Variants in ST3GAL1 observed in about 807,000 individuals in gnomAD.
The protein encoded by ST3GAL1 is ST3 beta-galactoside alpha-2,3-sialyltransferase 1.
ST3GAL1 carries 16 observed loss-of-function variants against 34.1 expected under a neutral mutation model. That is an observed-to-expected ratio of 0.47 (90% confidence interval 0.32 to 0.71). The LOEUF (loss-of-function observed/expected upper bound fraction) is 0.71, where lower values mean the gene tolerates loss of function less well. Ranked by LOEUF, ST3GAL1 falls within the 30% of genes least tolerant of loss-of-function variation. The pLI is 0.04. For synonymous variants in ST3GAL1, 191 were observed against 184.7 expected, an observed-to-expected ratio of 1.03 and a Z score of -0.28; for missense variants, 353 against 447.4, an observed-to-expected ratio of 0.79 and a Z score of 1.90.
At chr8:133,555,919 A>G (rs983653491) in intron 1 of ST3GAL1, among the ~76,000 whole-genome samples, 7 of 151,972 alleles carry the variant, frequency 4.6e-5, no homozygotes, top group Non-Finnish European at 8.8e-5. Flanking sequence ...TTTGAGACAG[A>G]ATTTCACTTT....
intron 1 of ST3GAL1, among the ~76,000 whole-genome samples, chr8:133,553,536 C>T (rs1304548080): frequency 6.6e-6 from 1 of 152,244 alleles, no homozygotes; most frequent in African/African-American, 2.4e-5. Context: ...CAAGTTATCT[C>T]ATCACTCAGT....
intron 3 of ST3GAL1, among the ~76,000 whole-genome samples, chr8:133,481,825 T>G (rs971226443): frequency 6.6e-6 from 1 of 151,998 alleles, no homozygotes; most frequent in East Asian, 1.9e-4. Flanking sequence ...TGTTTTCTGC[T>G]TGGTTTCTTA....
chr8:133,527,517 A>G (rs1209831985), intron 2 of ST3GAL1, among the ~76,000 whole-genome samples: 1 of 152,180 alleles, frequency 6.6e-6, no homozygotes, highest in African/African-American at 2.4e-5. Flanking sequence ...ACTTTGCCCT[A>G]AGCTACAGTG....
At chr8:133,549,082 T>C (rs1188689415) in intron 1 of ST3GAL1, among the ~76,000 whole-genome samples, 2 of 152,250 alleles carry the variant, frequency 1.3e-5, no homozygotes, top group African/African-American at 4.8e-5. Context: ...TCAGGATATA[T>C]ACTGCAACTG....
intron 3 of ST3GAL1, among the ~76,000 whole-genome samples, chr8:133,480,473 A>G (rs933107335): frequency 6.6e-6 from 1 of 152,158 alleles, no homozygotes; most frequent in Non-Finnish European, 1.5e-5. Flanking sequence ...ATGCCCTCCC[A>G]GCCCTTCACA....
At chr8:133,493,190 G>T (rs962995886) in intron 3 of ST3GAL1, among the ~76,000 whole-genome samples, 2 of 152,186 alleles carry the variant, frequency 1.3e-5, no homozygotes, top group African/African-American at 4.8e-5. Flanking sequence ...CTCCCACATA[G>T]GGAACACAGC....
chr8:133,498,144 G>A (rs549279420), intron 3 of ST3GAL1, among the ~76,000 whole-genome samples: 7 of 152,280 alleles, frequency 4.6e-5, no homozygotes, highest in South Asian at 2.1e-4. Context: ...AGGAACTGGC[G>A]CTCGACAGTG....
intron 5 of ST3GAL1, 111 bp downstream of exon 5, chr8:133,475,608 T>C: frequency 7.6e-7 from 1 of 1,310,718 alleles, no homozygotes; most frequent in South Asian, 1.6e-5. Context: ...AGACTCCCAC[T>C]TTCAGCCCAG....
At chr8:133,538,496 C>G (rs1024013797) in intron 2 of ST3GAL1, among the ~76,000 whole-genome samples, 3 of 152,162 alleles carry the variant, frequency 2.0e-5, no homozygotes, top group African/African-American at 7.2e-5. Flanking sequence ...GCCTGGGCGA[C>G]AGAGCGAGAC....
chr8:133,466,812 G>A lies in ST3GAL1; in HGVS notation c.307-722C>T, dbSNP rs1586587158. On this transcript the variant is annotated intron_variant, in intron 5 of 9. Transcript: ENST00000522652. The surrounding 1 kb of genome is among the most constrained non-coding windows in gnomAD (Gnocchi z 4.4). ...AATTGTTTTCATCTTTTAAGACCTA[G>A]CCTGGGCCAGGTGCGGTGGCTCACA... 6.6e-6 allele frequency among the ~76,000 whole-genome samples: 1 copy of A among 152,294 alleles called. No individual in the cohort carries two copies. The highest frequency in any genetic ancestry group is 3.4e-3 in the Middle Eastern group (1 of 294).
rs78112917 is a variant in ST3GAL1 at position 133,566,811 on chromosome 8, C to T, written c.-582+4882G>A. ...ACTCTCTGTTTTATACACGGGCATT[C>T]CAATGCTTGGAGGCTCTCATGGTGT... On this transcript the variant is annotated intron_variant, in intron 1 of 9. Coordinates refer to ENST00000522652, the MANE Select transcript of ST3GAL1 (RefSeq NM_173344.3). Among the ~76,000 whole-genome samples the T allele has an allele frequency of 5.5e-3, 840 of 152,292 alleles. 7 individuals carry two copies. The highest frequency in any genetic ancestry group is 0.019 in the African/African-American group (804 of 41,552).
chr8:133,470,984 T>C (rs1332511023), intron 5 of ST3GAL1, among the ~76,000 whole-genome samples: 1 of 152,082 alleles, frequency 6.6e-6, no homozygotes, highest in Non-Finnish European at 1.5e-5. Context: ...CCGAGAGTGT[T>C]GGGAAGAGGT....
intron 1 of ST3GAL1, chr8:133,569,981 G>A (rs1314082392): frequency 6.6e-6 from 1 of 152,370 alleles, no homozygotes; most frequent in Non-Finnish European, 1.5e-5. Flanking sequence ...GAGACTGGAA[G>A]GGAAGAAGGG....
At chr8:133,495,704 T>C (rs1253112473) in intron 3 of ST3GAL1, among the ~76,000 whole-genome samples, 2 of 152,192 alleles carry the variant, frequency 1.3e-5, no homozygotes, top group African/African-American at 4.8e-5. Flanking sequence ...TGCCACAAGA[T>C]GGTGGATACC....
chr8:133,461,995 C>G lies in ST3GAL1; in HGVS notation c.730-1G>C, dbSNP rs1397959054. 1 of 1,614,048 alleles carries G rather than the reference C, an allele frequency of 6.2e-7. No individual in the cohort carries two copies. Among genetic ancestry groups the G allele is most frequent in the African/African-American group, 1.3e-5 (1 of 75,018 alleles). ...TGAAGGCTGGGTGGTAGATCAGGATCTGCGGGGATGGGAAGACACGGCCCT... is the reference window on the plus strand; with the variant it reads ...TGAAGGCTGGGTGGTAGATCAGGATGTGCGGGGATGGGAAGACACGGCCCT... On this transcript the variant is annotated splice_acceptor_variant, in intron 8 of 9. Transcript: ENST00000522652. LOFTEE classifies it high-confidence loss of function. The surrounding 1 kb of genome is among the most constrained non-coding windows in gnomAD (Gnocchi z 4.7).
At chr8:133,545,034 G>A (rs1818639162) in intron 2 of ST3GAL1, among the ~76,000 whole-genome samples, 1 of 152,184 alleles carries the variant, frequency 6.6e-6, no homozygotes. Flanking sequence ...TCCTCTCTCT[G>A]CACTATCCAT....
chr8:133,479,531 C>T (rs983394513), intron 3 of ST3GAL1, among the ~76,000 whole-genome samples: 1 of 152,224 alleles, frequency 6.6e-6, no homozygotes, highest in Non-Finnish European at 1.5e-5. Context: ...AGTGCCTCTG[C>T]ACCCCTAATG....
chr8:133,540,836 G>T (rs34370312), intron 2 of ST3GAL1, among the ~76,000 whole-genome samples: 10,816 of 48,906 alleles, frequency 0.22, 2,673 homozygotes, highest in African/African-American at 0.47. Context: ...CATATATATA[G>T]AGAGACATAT....
chr8:133,569,373 C>G (rs187193325), intron 1 of ST3GAL1, among the ~76,000 whole-genome samples: 192 of 152,338 alleles, frequency 1.3e-3, no homozygotes, highest in African/African-American at 4.5e-3. Context: ...CACATACACA[C>G]ATGTAGAGTA....
Sources: allele counts gnomAD v4.1 joint callset (sites outside exome capture counted in the v4.1 genomes callset), GRCh38; gene constraint gnomAD v4.1.1; non-coding constraint Gnocchi (gnomAD v3.1); transcripts MANE v1.5; gene names NCBI Gene and HGNC (gene_info 2026-07-23, HGNC 2026-07-21).